NBEAL1: variants seen among roughly 807,000 people sequenced by gnomAD.
NBEAL1 encodes the protein neurobeachin like 1.
In NBEAL1, 273 loss-of-function variants were observed where a neutral mutation model predicts 351.3. That is an observed-to-expected ratio of 0.78 (90% CI 0.70 to 0.86). NBEAL1 has a LOEUF of 0.86. Ranked by LOEUF, NBEAL1 falls within the 40% of genes least tolerant of loss-of-function variation. NBEAL1 has a pLI of 0.00. For synonymous variants in NBEAL1, 1,050 were observed against 1,086.4 expected (o/e 0.97, Z 0.66); for missense variants, 2,961 against 3,201.3 (o/e 0.92, Z 1.81).
At chr2:203,071,947 C>T (rs1356963139) in intron 7 of NBEAL1, among the ~76,000 whole-genome samples, 1 of 152,110 alleles carries the variant, frequency 6.6e-6, no homozygotes, top group Non-Finnish European at 1.5e-5. Flanking sequence ...GCCAGTGTCA[C>T]CCCCCACCCC....
Position 203,144,903 on chromosome 2 carries a change from T to C in NBEAL1, c.5152T>C (p.Tyr1718His). The C allele has an allele frequency of 6.4e-7, 1 of 1,574,422 alleles. No individual in the cohort carries two copies. The highest frequency in any genetic ancestry group is 1.2e-5 in the South Asian group (1 of 83,808). ...TGAATGGCAAGTTTACATTGAAAAA[T>C]ATGTAAGTTTTATCTTTTTTGATCA... ...SNEWQVYIEKYIVPYMKQYEA... is the reference protein window; with the variant it reads ...SNEWQVYIEKHIVPYMKQYEA... The change falls in exon 32 of 56, where the codon TAT becomes CAT. Residue 1718 changes from tyrosine to histidine, a missense_variant and splice_region_variant. Tyr to His is a moderately conservative substitution (Grantham distance 83). Transcript: ENST00000683969.
intron 2 of NBEAL1, among the ~76,000 whole-genome samples, chr2:203,018,552 T>C (rs2060717594): frequency 6.6e-6 from 1 of 152,162 alleles, no homozygotes; most frequent in Non-Finnish European, 1.5e-5. Context: ...TTTGTTTGTT[T>C]TTACCTCTGA....
At chr2:203,109,031 G>A (rs2062503000) in intron 14 of NBEAL1, among the ~76,000 whole-genome samples, 1 of 152,110 alleles carries the variant, frequency 6.6e-6, no homozygotes, top group South Asian at 2.1e-4. Context: ...GACAAAGCAA[G>A]ATTGTCTCAC....
intron 6 of NBEAL1, among the ~76,000 whole-genome samples, chr2:203,065,714 T>G (rs555606747): frequency 2.0e-4 from 31 of 151,504 alleles, no homozygotes; most frequent in African/African-American, 6.8e-4. Flanking sequence ...ATTGCGCCAC[T>G]GCACTCCAGC....
At chr2:203,151,240 G>A (rs759143349) in intron 34 of NBEAL1, among the ~76,000 whole-genome samples, 14 of 152,278 alleles carry the variant, frequency 9.2e-5, no homozygotes, top group South Asian at 2.1e-4. Context: ...GCTGAGGCAC[G>A]AGAATCACTT....
chr2:203,218,413 G>C lies in NBEAL1; in HGVS notation c.*1059G>C, dbSNP rs1256749762. ...GAATTCAAAGACATTGTTAAACTTAGATTTTTTTGTAAGATTATCTTTTGA... is the reference window on the plus strand; with the variant it reads ...GAATTCAAAGACATTGTTAAACTTACATTTTTTTGTAAGATTATCTTTTGA... On this transcript the variant is annotated 3_prime_UTR_variant, in exon 56 of 56. Transcript: ENST00000683969. 1 of 152,078 alleles carries C rather than the reference G, an allele frequency of 6.6e-6. No homozygotes were observed. The highest frequency in any genetic ancestry group is 1.5e-5 in the Non-Finnish European group (1 of 67,986). The allele number at this position is 152,078 out of a possible 1,614,324, so 9.4% of individuals were successfully genotyped here.
At chr2:203,128,048 A>G (rs2062983769) in intron 24 of NBEAL1, 111 bp downstream of exon 24, 2 of 780,530 alleles carry the variant, frequency 2.6e-6, no homozygotes, top group Admixed American at 2.9e-5. Flanking sequence ...AAATATGTGT[A>G]GTGTCACATT....
At chr2:203,015,925 A>ATG (rs1270431153) in intron 1 of NBEAL1, 1 of 153,008 alleles carries the variant, frequency 6.5e-6, no homozygotes, top group East Asian at 1.9e-4. Context: ...GGTTATGAAC[A>ATG]TGTACCCATC....
chr2:203,056,563 TTTTGTTTG>T (rs1465749652), intron 5 of NBEAL1, 55 bp downstream of exon 5: 15 of 1,019,196 alleles, frequency 1.5e-5, no homozygotes, highest in Non-Finnish European at 2.1e-5. Context: ...AGGTTTTACT[TTTTGTTTG>T]TTTGTTTGTT....
intron 38 of NBEAL1, among the ~76,000 whole-genome samples, 190 bp from the exon 39 acceptor site, chr2:203,169,557 A>G (rs2064253820): frequency 6.6e-6 from 1 of 152,016 alleles, no homozygotes; most frequent in Non-Finnish European, 1.5e-5. Flanking sequence ...CAAAAAAATT[A>G]GCCAAGATCA....
At chr2:203,127,709 G>A (rs1382402432) in intron 23 of NBEAL1, 72 bp from the exon 24 acceptor site, 12 of 979,332 alleles carry the variant, frequency 1.2e-5, no homozygotes, top group South Asian at 3.1e-5. Flanking sequence ...GCAACAGAGC[G>A]AGACTCCATC....
intron 30 of NBEAL1, 112 bp downstream of exon 30, chr2:203,138,427 CAA>C (rs1157346054): frequency 1.8e-6 from 2 of 1,129,514 alleles, no homozygotes; most frequent in African/African-American, 3.2e-5. Context: ...ATTCAATAAA[CAA>C]GGATAAGATG....
At chr2:203,157,879 G>A (rs770547254) in intron 36 of NBEAL1, 54 bp downstream of exon 36, 87 of 1,367,052 alleles carry the variant, frequency 6.4e-5, no homozygotes, top group Middle Eastern at 2.7e-4. Context: ...TTGCAAAATC[G>A]TGGAAAAGAT....
intron 14 of NBEAL1, among the ~76,000 whole-genome samples, chr2:203,109,224 G>A (rs2062507527): frequency 6.6e-6 from 1 of 152,116 alleles, no homozygotes; most frequent in African/African-American, 2.4e-5. Context: ...GGGCGTGGTG[G>A]CACATGCCTG....
At chr2:203,209,411 A>G (rs2065709937) in intron 53 of NBEAL1, 89 bp downstream of exon 53, 2 of 955,466 alleles carry the variant, frequency 2.1e-6, no homozygotes, top group Non-Finnish European at 3.1e-6. Flanking sequence ...GAAGAAGGAA[A>G]GAACACCATA....
intron 11 of NBEAL1, among the ~76,000 whole-genome samples, 193 bp from the exon 12 acceptor site, chr2:203,099,436 T>A (rs2106209438): frequency 6.6e-6 from 1 of 152,316 alleles, no homozygotes; most frequent in Non-Finnish European, 1.5e-5. Flanking sequence ...CTCCTTGACA[T>A]GTGGTTTATT....
chr2:203,130,937 AAAAT>A (rs1225267255), intron 25 of NBEAL1, among the ~76,000 whole-genome samples: 1 of 152,242 alleles, frequency 6.6e-6, no homozygotes, highest in Middle Eastern at 3.2e-3. Flanking sequence ...AGTAACTTAT[AAAAT>A]AAATAGAAGA....
Position 203,107,537 on chromosome 2 carries a change from T to G in NBEAL1, c.1368+19T>G. On this transcript the variant is annotated intron_variant, in intron 13 of 55. Coordinates refer to ENST00000683969, the MANE Select transcript of NBEAL1 (RefSeq NM_001378026.1). ...GAATATGGTGAGTTTATAACCTTTA[T>G]TAAGAGAATTTCTGTTAATATCCAT... 6.5e-7 allele frequency: 1 copy of G among 1,540,820 alleles called. No individual in the cohort carries two copies. The highest frequency in any genetic ancestry group is 8.8e-7 in the Non-Finnish European group (1 of 1,140,450).
intron 29 of NBEAL1, among the ~76,000 whole-genome samples, chr2:203,137,705 CT>C (rs1270638557): frequency 2.6e-5 from 4 of 152,282 alleles, no homozygotes; most frequent in African/African-American, 9.6e-5. Context: ...ATTTATAGGC[CT>C]GGCATGGTGG....
Sources: allele counts gnomAD v4.1 joint callset (sites outside exome capture counted in the v4.1 genomes callset), GRCh38; gene constraint gnomAD v4.1.1; transcripts MANE v1.5; gene names NCBI Gene and HGNC (gene_info 2026-07-23, HGNC 2026-07-21).